COG5: variants seen among roughly 807,000 people sequenced by gnomAD.
The protein encoded by COG5 is component of oligomeric golgi complex 5.
Under a neutral mutation model 110.4 loss-of-function variants are expected in COG5, and 86 were observed. That is an observed-to-expected ratio of 0.78 (90% CI 0.65 to 0.93). The LOEUF (loss-of-function observed/expected upper bound fraction) is 0.93. Among genes scored for constraint, COG5 ranks in the 40% least tolerant of loss-of-function variants. COG5 has a pLI of 0.00. For synonymous variants in COG5, 360 were observed against 334.6 expected, an observed-to-expected ratio of 1.08 and a Z score of -0.83; for missense variants, 1,077 against 987.0, an observed-to-expected ratio of 1.09 and a Z score of -1.22.
chr7:107,265,499 C>T (rs1803724931), intron 14 of COG5, among the ~76,000 whole-genome samples: 1 of 152,124 alleles, frequency 6.6e-6, no homozygotes, highest in Admixed American at 6.5e-5. Context: ...TGGTCTCAAA[C>T]TCTTGGGCTC....
intron 10 of COG5, among the ~76,000 whole-genome samples, chr7:107,330,991 G>A (rs1810191344): frequency 6.6e-6 from 1 of 151,484 alleles, no homozygotes; most frequent in Non-Finnish European, 1.5e-5. Context: ...CCCAGCTAAT[G>A]GTACACAGAG....
At position 107,445,399 on chromosome 7, in the gene COG5, T is replaced by C. The variant is rs1424171846; in HGVS notation, c.539-32767A>G. On this transcript the variant is annotated intron_variant, in intron 6 of 21. Coordinates refer to ENST00000297135, the MANE Select transcript of COG5 (RefSeq NM_006348.5). ...AAAAGATTCTTCAACTAAACTATCT[T>C]GCATACCACCCATAAAATACTTAAG... 2.0e-5 allele frequency among the ~76,000 whole-genome samples: 3 copies of C among 152,170 alleles called. No homozygotes were observed. The East Asian group carries it at 5.8e-4, about 29-fold the overall frequency.
Position 107,298,149 on chromosome 7 carries a change from C to T in COG5, c.1306G>A (p.Asp436Asn). 1 of 1,561,598 alleles carries T rather than the reference C, an allele frequency of 6.4e-7. No individual in the cohort carries two copies. Among genetic ancestry groups the T allele is most frequent in the East Asian group, 2.3e-5 (1 of 43,694 alleles). ...AQDIFIPKKP[D>N]YDPEKALKDS... ...CAAATTAAACAAACATACTCATAAT[C>T]TGGCTTTTTTGGTATGAATATATCT... The change falls in exon 12 of 22, where the codon GAT becomes AAT. Residue 436 changes from aspartate to asparagine, a missense_variant. Physicochemically the swap from Asp to Asn is conservative, Grantham distance 23 (BLOSUM62 1). Coordinates refer to ENST00000297135, the MANE Select transcript of COG5 (RefSeq NM_006348.5).
chr7:107,495,074 A>G (rs898562062), intron 6 of COG5, among the ~76,000 whole-genome samples: 1 of 152,176 alleles, frequency 6.6e-6, no homozygotes, highest in African/African-American at 2.4e-5. Context: ...AAGATCTGTA[A>G]AATGAGTGAG....
chr7:107,547,134 T>C (rs934380397), intron 5 of COG5, among the ~76,000 whole-genome samples: 5 of 152,096 alleles, frequency 3.3e-5, no homozygotes, highest in African/African-American at 1.2e-4. Flanking sequence ...AACAAAATAC[T>C]AGCCAATCGA....
At chr7:107,488,411 G>T (rs1445655894) in intron 6 of COG5, among the ~76,000 whole-genome samples, 1 of 152,032 alleles carries the variant, frequency 6.6e-6, no homozygotes, top group Non-Finnish European at 1.5e-5. Context: ...AGACATCCAG[G>T]TCTTGTTTCT....
intron 12 of COG5, among the ~76,000 whole-genome samples, chr7:107,288,907 GATATATATATATAT>G (rs60313728): frequency 0.12 from 11,742 of 94,240 alleles, 925 homozygotes; most frequent in South Asian, 0.18. Flanking sequence ...TTCTAACAGA[GATATATATATATAT>G]ATATATATAT....
intron 7 of COG5, among the ~76,000 whole-genome samples, chr7:107,410,577 G>T (rs1391599391): frequency 6.6e-6 from 1 of 151,998 alleles, no homozygotes; most frequent in Non-Finnish European, 1.5e-5. Context: ...CGAGTCGCTG[G>T]GATTACAGGA....
chr7:107,420,547 G>C (rs922997712), intron 6 of COG5, among the ~76,000 whole-genome samples: 4 of 152,106 alleles, frequency 2.6e-5, no homozygotes, highest in African/African-American at 9.7e-5. Context: ...TGCAACCTCC[G>C]CCTTCCAGGT....
At chr7:107,343,789 A>T (rs1179109778) in intron 10 of COG5, among the ~76,000 whole-genome samples, 1 of 152,206 alleles carries the variant, frequency 6.6e-6, no homozygotes, top group Non-Finnish European at 1.5e-5. Flanking sequence ...CATGAAAACA[A>T]CATTAGTCTC....
chr7:107,424,538 C>A (rs1793515129), intron 6 of COG5, among the ~76,000 whole-genome samples: 1 of 146,860 alleles, frequency 6.8e-6, no homozygotes. Context: ...AGAAAAACTG[C>A]AAAAGAAATA....
intron 11 of COG5, among the ~76,000 whole-genome samples, chr7:107,320,947 C>T (rs1259229899): frequency 1.3e-5 from 2 of 152,166 alleles, no homozygotes; most frequent in East Asian, 1.9e-4. Flanking sequence ...CTTCTACACC[C>T]CCACCTCCCA....
At chr7:107,271,637 A>T (rs897397043) in intron 14 of COG5, among the ~76,000 whole-genome samples, 6 of 152,150 alleles carry the variant, frequency 3.9e-5, no homozygotes, top group Non-Finnish European at 7.4e-5. Flanking sequence ...GTTGGTTTTC[A>T]GTGATACCTT....
At chr7:107,548,082 A>G (rs1305987025) in intron 5 of COG5, 29 bp downstream of exon 5, 1 of 1,569,442 alleles carries the variant, frequency 6.4e-7, no homozygotes, top group African/African-American at 1.4e-5. Flanking sequence ...TGAATAATAA[A>G]GTATAAAGAA....
chr7:107,563,555 GGGGT>G, intron 1 of COG5: 1 of 499,772 alleles, frequency 2.0e-6, no homozygotes. Context: ...GGGGGGGGGG[GGGGT>G]CGAGTTGAAA....
intron 6 of COG5, chr7:107,480,683 T>C (rs1232324704): frequency 6.6e-6 from 1 of 152,118 alleles, no homozygotes; most frequent in East Asian, 1.9e-4. Context: ...GACACCCCCA[T>C]TGACAGGCTG....
intron 6 of COG5, among the ~76,000 whole-genome samples, chr7:107,461,800 G>A (rs1796005049): frequency 6.6e-6 from 1 of 152,138 alleles, no homozygotes; most frequent in Non-Finnish European, 1.5e-5. Context: ...TATCAAAAAT[G>A]TTATGAGTCT....
rs1803045970 is a variant in COG5, at chr7:107,258,370, C to A, written c.1589G>T (p.Gly530Val). 1 of 1,604,634 alleles carries A rather than the reference C, an allele frequency of 6.2e-7. No homozygotes were observed. Among genetic ancestry groups the A allele is most frequent in the African/African-American group, 1.3e-5 (1 of 74,696 alleles). Residue 530 changes from glycine to valine, a missense_variant, in exon 15 of 22, where the codon GGA (glycine) becomes GTA (valine). Gly to Val is a moderately radical substitution (Grantham distance 109). Coordinates refer to ENST00000297135, the MANE Select transcript of COG5 (RefSeq NM_006348.5). ...VKSEQLLSTQGDASQVIGPLT... is the reference protein window; with the variant it reads ...VKSEQLLSTQVDASQVIGPLT... ...AGGCCCAATCACCTGACTTGCATCT[C>A]CTTGTGTGGAGAGCTGTAAGAATTC...
At chr7:107,422,458 C>T (rs1418428816) in intron 6 of COG5, among the ~76,000 whole-genome samples, 3 of 151,980 alleles carry the variant, frequency 2.0e-5, no homozygotes, top group African/African-American at 4.8e-5. Flanking sequence ...ACCCCGGAGG[C>T]GGAGGTTGCA....
Sources: gnomAD v4.1 joint callset for allele counts (sites outside exome capture counted in the v4.1 genomes callset) on GRCh38, gnomAD v4.1.1 for gene constraint, MANE v1.5 for transcripts, NCBI Gene and HGNC (gene_info 2026-07-23, HGNC 2026-07-21) for gene names.